Variants in CORO7 observed in about 807,000 individuals in gnomAD.
The protein encoded by CORO7 is coronin 7.
Under a neutral mutation model 126.6 loss-of-function variants are expected in CORO7, and 107 were observed. That is an observed-to-expected ratio of 0.85 (90% confidence interval 0.72 to 0.99). The LOEUF is 0.99. CORO7 is among the 50% of genes least tolerant of loss of function. The probability of loss-of-function intolerance (pLI) is 0.00; values close to 1 mark genes in which losing one functional copy is unlikely to be tolerated. For missense variants in CORO7, 1,314 were observed against 1,255.8 expected (o/e 1.05, Z -0.70); for synonymous variants, 603 against 536.8 (o/e 1.12, Z -1.70).
At chr16:4,410,438 ACC>A (rs1300635626) in intron 3 of CORO7, among the ~76,000 whole-genome samples, 1 of 152,076 alleles carries the variant, frequency 6.6e-6, no homozygotes, top group Non-Finnish European at 1.5e-5. Flanking sequence ...AAAAAGACAA[ACC>A]CAAACACAGG....
rs201170893 is a variant in CORO7 at position 4,355,279 on chromosome 16, T to C, written c.2772+7A>G. 2 of 1,613,362 alleles carry C rather than the reference T, an allele frequency of 1.2e-6. No homozygotes were observed. Among genetic ancestry groups the C allele is most frequent in the Non-Finnish European group, 1.7e-6 (2 of 1,179,906 alleles). ...CCTGCCGGGAAGTGAGGCCACTCAC[T>C]ACTCACCCACTCGTCCTCGTCCACG... On this transcript the variant is annotated splice_region_variant and intron_variant, in intron 27 of 27. Coordinates refer to ENST00000251166, the MANE Select transcript of CORO7 (RefSeq NM_024535.5).
rs769750304 is a variant in CORO7, at chr16:4,412,375, G to C, written c.213C>G (p.Ala71=). The change falls in exon 3 of 28, where the codon GCC becomes GCG. Residue 71 remains alanine (A), a synonymous_variant. Coordinates refer to ENST00000251166, the MANE Select transcript of CORO7 (RefSeq NM_024535.5). The part of the protein sequence containing the change: ...QGQGEDKRRV[A]HLGCHSDLVT... ...ACTCACCTGAATGGCAGCCCAGGTG[G>C]GCCACGCGTCGCTTGTCCTCTCCTT... 8 of 1,614,060 alleles carry C rather than the reference G, an allele frequency of 5.0e-6. No individual in the cohort carries two copies. The Admixed American group carries it at 6.7e-5, about 13-fold the overall frequency.
rs1425145342 is a variant in CORO7 at position 4,362,144 on chromosome 16, G to A, written c.1419C>T (p.Phe473=). ...GCAGGACAGTGCCCTGAGCATGGCG[G>A]AACTTGGAACTGGGGCCTGGCAGGT... ...LQSLLGPSSK[F]RHAQGTVLHR... Residue 473 remains phenylalanine, a synonymous_variant, in exon 16 of 28, where the codon TTC becomes TTT. Transcript: ENST00000251166. The surrounding 1 kb of genome is among the most constrained non-coding windows in gnomAD (Gnocchi z 5.3). 1.2e-6 allele frequency: 2 copies of A among 1,607,648 alleles called. No homozygotes were observed. Among genetic ancestry groups the A allele is most frequent in the Non-Finnish European group, 1.7e-6 (2 of 1,178,136 alleles).
chr16:4,383,965 C>T (rs1434826086), intron 9 of CORO7, among the ~76,000 whole-genome samples: 1 of 152,224 alleles, frequency 6.6e-6, no homozygotes, highest in Non-Finnish European at 1.5e-5. Context: ...ACCTTCTCTA[C>T]AGCGTCCCGG....
At chr16:4,361,301 C>A in intron 17 of CORO7, 53 bp from the exon 18 acceptor site, 2 of 1,610,400 alleles carry the variant, frequency 1.2e-6, no homozygotes, top group Admixed American at 3.3e-5. Flanking sequence ...CCTCTGGGCT[C>A]CCCAGCCCCT....
intron 9 of CORO7, among the ~76,000 whole-genome samples, chr16:4,386,829 G>A (rs2055208959): frequency 6.6e-6 from 1 of 152,192 alleles, no homozygotes; most frequent in African/African-American, 2.4e-5. Flanking sequence ...CCTCTGGGCG[G>A]CTCTCAGCCC....
chr16:4,395,339 C>T lies in CORO7; in HGVS notation c.565G>A (p.Asp189Asn). 3.1e-6 allele frequency: 5 copies of T among 1,614,022 alleles called. No homozygotes were observed. Among genetic ancestry groups the T allele is most frequent in the Non-Finnish European group, 4.2e-6 (5 of 1,180,012 alleles). ...DGALVGTACKDKQLRIFDPRT... is the reference protein window; with the variant it reads ...DGALVGTACKNKQLRIFDPRT... The stretch of plus-strand genomic sequence containing the variant: ...GGGTCAAAGATCCGCAGCTGCTTGT[C>T]CTGGAAAAGCAGAGAGGAGGAAACA... The change falls in exon 7 of 28, where the codon GAC (aspartate) becomes AAC (asparagine). Residue 189 changes from aspartate to asparagine, a missense_variant and splice_region_variant. By Grantham distance (23) the Asp-to-Asn change is conservative. Transcript: ENST00000251166.
At chr16:4,394,994 G>A (rs770093661) in intron 7 of CORO7, among the ~76,000 whole-genome samples, 1 of 152,222 alleles carries the variant, frequency 6.6e-6, no homozygotes, top group Admixed American at 6.5e-5. Flanking sequence ...AGGTCTCAAA[G>A]GAAGGAAGTG....
rs878859533 is a variant in CORO7, at chr16:4,355,465, G to T, written c.2686-93C>A. On this transcript the variant is annotated intron_variant, in intron 26 of 27. Transcript: ENST00000251166. ...AACAACCCTGACAAGGCTGTGAAAA[G>T]AACTTTTTTTTTTTTTTTAGACGGA... is the stretch of plus-strand genomic sequence containing the variant. 1.4e-4 allele frequency: 180 copies of T among 1,256,622 alleles called. 1 individual carries two copies. In the South Asian group the frequency reaches 2.2e-3, roughly 15 times the overall value. 77.8% of individuals were successfully genotyped at this position (1,256,622 alleles called of 1,614,324 possible).
intron 1 of CORO7, among the ~76,000 whole-genome samples, chr16:4,413,774 G>C (rs2056303658): frequency 6.6e-6 from 1 of 151,676 alleles, no homozygotes. Flanking sequence ...CTGGCCTCAA[G>C]TGATCTGCCT....
intron 9 of CORO7, among the ~76,000 whole-genome samples, chr16:4,373,226 G>A (rs965347236): frequency 5.3e-5 from 8 of 152,162 alleles, no homozygotes; most frequent in South Asian, 2.1e-4. Flanking sequence ...GAGTGTCAGA[G>A]GCAGGAAGAG....
At chr16:4,394,030 G>T (rs914267768) in intron 7 of CORO7, among the ~76,000 whole-genome samples, 4 of 152,180 alleles carry the variant, frequency 2.6e-5, no homozygotes, top group Non-Finnish European at 4.4e-5. Context: ...GAGCCTAGGA[G>T]GCGGAGTTTC....
chr16:4,389,795 T>G (rs1348129957), intron 7 of CORO7, among the ~76,000 whole-genome samples: 1 of 152,216 alleles, frequency 6.6e-6, no homozygotes, highest in Non-Finnish European at 1.5e-5. Context: ...GCTCCTGCCC[T>G]CTCGTTGGTG....
In CORO7 at chr16:4,362,555, G is replaced by C; in HGVS notation, c.1402+57C>G. 6.7e-7 allele frequency: 1 copy of C among 1,491,262 alleles called. No homozygotes were observed. 92.4% of individuals were successfully genotyped at this position (1,491,262 alleles called of 1,614,324 possible). On this transcript the variant is annotated intron_variant, in intron 15 of 27. Transcript: ENST00000251166. The surrounding 1 kb of genome is among the most constrained non-coding windows in gnomAD (Gnocchi z 5.3). ...GTAGGGTACACAGGAGGATGACGGG[G>C]AGTGGGGCAGACAGGGCTCCTGCGG...
chr16:4,357,406 GGA>G (rs1168800778), intron 25 of CORO7, 147 bp from the exon 26 acceptor site: 1 of 868,890 alleles, frequency 1.2e-6, no homozygotes, highest in African/African-American at 1.8e-5. Flanking sequence ...TGCCCAGGCT[GGA>G]GTGCAATGAT....
At chr16:4,411,773 C>T (rs529885883) in intron 3 of CORO7, among the ~76,000 whole-genome samples, 13 of 152,158 alleles carry the variant, frequency 8.5e-5, no homozygotes, top group African/African-American at 3.1e-4. Context: ...ACTGGGCCCG[C>T]GGCCGCTGCA....
intron 3 of CORO7, among the ~76,000 whole-genome samples, chr16:4,411,080 G>T (rs183377655): frequency 6.6e-6 from 1 of 152,106 alleles, no homozygotes; most frequent in Non-Finnish European, 1.5e-5. Context: ...CACATGACTC[G>T]GTCACTTTAA....
intron 3 of CORO7, among the ~76,000 whole-genome samples, chr16:4,409,796 G>T (rs866278369): frequency 4.6e-5 from 7 of 152,352 alleles, no homozygotes; most frequent in Middle Eastern, 6.8e-3. Context: ...GAGTGGCCCT[G>T]AGCTGAGAGG....
At chr16:4,374,512 G>A (rs762248553) in intron 9 of CORO7, among the ~76,000 whole-genome samples, 1 of 152,182 alleles carries the variant, frequency 6.6e-6, no homozygotes, top group Admixed American at 6.5e-5. Flanking sequence ...CTGCCTGAGA[G>A]ATTTAATTAA....
Sources: gnomAD v4.1 joint callset for allele counts (sites outside exome capture counted in the v4.1 genomes callset) on GRCh38, gnomAD v4.1.1 for gene constraint, Gnocchi (gnomAD v3.1) non-coding constraint, MANE v1.5 for transcripts, NCBI Gene and HGNC (gene_info 2026-07-23, HGNC 2026-07-21) for gene names.